Variants in ADAM19 observed in about 807,000 individuals in gnomAD.
ADAM19 encodes the protein ADAM metallopeptidase domain 19.
In ADAM19, 65 loss-of-function variants were observed where a neutral mutation model predicts 114.7. The observed-to-expected ratio is 0.57, with a 90% CI of 0.46 to 0.70. ADAM19 has a LOEUF of 0.70. Ranked by LOEUF, ADAM19 falls within the 30% of genes least tolerant of loss-of-function variation. ADAM19 has a pLI of 0.00. For synonymous variants in ADAM19, 466 were observed against 460.5 expected, an observed-to-expected ratio of 1.01 and a Z score of -0.15; for missense variants, 1,063 against 1,204.7, an observed-to-expected ratio of 0.88 and a Z score of 1.74.
chr5:157,507,174 C>T (rs369197205), intron 9 of ADAM19, 34 bp from the exon 10 acceptor site: 87 of 1,603,048 alleles, frequency 5.4e-5, no homozygotes, highest in East Asian at 1.8e-4. Context: ...TGACCGGGGA[C>T]GAGACTAAGA....
At position 157,511,353 on chromosome 5, in the gene ADAM19, C is replaced by T. The variant is rs150086150; in HGVS notation, c.739-1886G>A. 3.6e-3 allele frequency among the ~76,000 whole-genome samples: 552 copies of T among 152,324 alleles called. 4 individuals are homozygous for T. Among genetic ancestry groups the T allele is most frequent in the African/African-American group, 0.012 (517 of 41,566 alleles). On this transcript the variant is annotated intron_variant, in intron 8 of 22. Coordinates refer to ENST00000257527, the MANE Select transcript of ADAM19 (RefSeq NM_033274.5). ...ACTGAGGCTTAGAGAAGTTAAGGAA[C>T]TTGCCCAAAGTCTCAGCAAGAAGAT...
In ADAM19 at chr5:157,488,533, A is replaced by C. The variant is rs962584878; in HGVS notation, c.2326-44T>G. On this transcript the variant is annotated intron_variant, in intron 20 of 22. Coordinates refer to ENST00000257527, the MANE Select transcript of ADAM19 (RefSeq NM_033274.5). Reference sequence around the variant, plus strand: ...GAACACCTGAGACAAGAAATCACTCAGGGCTGGCCTTGTGTGTCTCTTTGA... The same window carrying C: ...GAACACCTGAGACAAGAAATCACTCCGGGCTGGCCTTGTGTGTCTCTTTGA... 8 of 1,470,530 alleles carry C rather than the reference A, an allele frequency of 5.4e-6. No individual in the cohort carries two copies. The African/African-American group carries it at 8.4e-5, about 15-fold the overall frequency. The allele number at this position is 1,470,530 out of a possible 1,614,324, so 91.1% of individuals were successfully genotyped here.
chr5:157,543,723 T>C (rs1288626685), intron 3 of ADAM19, among the ~76,000 whole-genome samples: 1 of 109,964 alleles, frequency 9.1e-6, no homozygotes, highest in Non-Finnish European at 2.0e-5. Flanking sequence ...GACAATATTT[T>C]TTAACTGGCT....
rs1015703251 is a variant in ADAM19 at position 157,526,177 on chromosome 5, C to T, written c.407+4630G>A. On this transcript the variant is annotated intron_variant, in intron 5 of 22. Coordinates refer to ENST00000257527, the MANE Select transcript of ADAM19 (RefSeq NM_033274.5). ...ATATATACATATATATATATATACA[C>T]ACACACACACACACACACACACACA... Among the ~76,000 whole-genome samples the T allele has an allele frequency of 7.8e-4, 115 of 147,002 alleles. 1 individual carries two copies. The highest frequency in any genetic ancestry group is 3.0e-3 in the African/African-American group (111 of 37,624).
chr5:157,523,361 C>T (rs547666481), intron 5 of ADAM19, among the ~76,000 whole-genome samples: 9 of 152,296 alleles, frequency 5.9e-5, no homozygotes, highest in South Asian at 2.1e-4. Context: ...CCAAGTCTCA[C>T]GGTAGAATGT....
chr5:157,561,584 G>A (rs564097626), intron 3 of ADAM19, among the ~76,000 whole-genome samples: 12 of 152,188 alleles, frequency 7.9e-5, no homozygotes, highest in African/African-American at 1.7e-4. Context: ...GCCTTGGAAC[G>A]TGGCTGTTCC....
Position 157,537,996 on chromosome 5 carries a change from A to C in ADAM19, c.252-5T>G. The C allele has an allele frequency of 6.2e-7, 1 of 1,611,842 alleles. No individual in the cohort carries two copies. On this transcript the variant is annotated splice_region_variant and splice_polypyrimidine_tract_variant and intron_variant, in intron 3 of 22. Coordinates refer to ENST00000257527, the MANE Select transcript of ADAM19 (RefSeq NM_033274.5). ...TAGGAAGGAGCAAAAAGTTGCCTGC[A>C]AAAAATAAAAAGAGACATTTATATC...
chr5:157,528,734 T>C (rs553234899), intron 5 of ADAM19, among the ~76,000 whole-genome samples: 76 of 152,316 alleles, frequency 5.0e-4, no homozygotes, highest in African/African-American at 1.7e-3. Flanking sequence ...AGTCTTAGCA[T>C]GGTTTCACCG....
intron 3 of ADAM19, among the ~76,000 whole-genome samples, chr5:157,549,964 A>T (rs1347508137): frequency 6.6e-6 from 1 of 152,220 alleles, no homozygotes; most frequent in Non-Finnish European, 1.5e-5. Context: ...AACCTCAAAA[A>T]CTTTACCCGA....
chr5:157,565,004 T>A (rs981369805), intron 2 of ADAM19, among the ~76,000 whole-genome samples: 2 of 152,152 alleles, frequency 1.3e-5, no homozygotes, highest in Non-Finnish European at 1.5e-5. Context: ...TCGTAGTGGG[T>A]TCTTATTTCA....
intron 3 of ADAM19, among the ~76,000 whole-genome samples, chr5:157,552,359 G>A (rs1757223226): frequency 6.6e-6 from 1 of 151,420 alleles, no homozygotes; most frequent in Admixed American, 6.6e-5. Flanking sequence ...CCAAAAGAAA[G>A]GAAATCAGTG....
chr5:157,487,249 T>G (rs1484225325), intron 21 of ADAM19, among the ~76,000 whole-genome samples: 1 of 152,164 alleles, frequency 6.6e-6, no homozygotes, highest in Non-Finnish European at 1.5e-5. Context: ...TTTCCTCTCT[T>G]TCTGCATGGA....
At chr5:157,502,441 C>A (rs1210506257) in intron 12 of ADAM19, among the ~76,000 whole-genome samples, 2 of 152,204 alleles carry the variant, frequency 1.3e-5, no homozygotes, top group Non-Finnish European at 2.9e-5. Context: ...CTGTTCAAGC[C>A]CATATATCTG....
At chr5:157,482,950 A>G (rs1045309235) in intron 21 of ADAM19, among the ~76,000 whole-genome samples, 1 of 152,194 alleles carries the variant, frequency 6.6e-6, no homozygotes, top group Non-Finnish European at 1.5e-5. Context: ...GCAAAATAAC[A>G]CAAGAACAGA....
chr5:157,549,709 C>G (rs1218096021), intron 3 of ADAM19, among the ~76,000 whole-genome samples: 1 of 152,204 alleles, frequency 6.6e-6, no homozygotes, highest in East Asian at 1.9e-4. Flanking sequence ...CCCACAGAGT[C>G]TAAACTGCCA....
rs1348939764 is a variant in ADAM19, at chr5:157,555,541, A to G, written c.251+8832T>C. On this transcript the variant is annotated intron_variant, in intron 3 of 22. Transcript: ENST00000257527. ...CCACATGTCACAGCTTGCATCCCCA[A>G]AACACCTGAAAACATTTGTTCTGGA... is the stretch of plus-strand genomic sequence containing the variant. Among the ~76,000 whole-genome samples, 3 of 152,164 alleles carry G rather than the reference A, an allele frequency of 2.0e-5. No homozygotes were observed. The East Asian group carries it at 5.8e-4, about 29-fold the overall frequency.
intron 4 of ADAM19, among the ~76,000 whole-genome samples, chr5:157,535,698 G>A (rs946225340): frequency 2.1e-4 from 32 of 152,234 alleles, no homozygotes; most frequent in Non-Finnish European, 3.7e-4. Context: ...CAAGCAGAGA[G>A]CACAAAGAAC....
intron 3 of ADAM19, 21 bp from the exon 4 acceptor site, chr5:157,538,012 C>T (rs1351818755): frequency 6.3e-7 from 1 of 1,592,592 alleles, no homozygotes; most frequent in Non-Finnish European, 8.6e-7. Flanking sequence ...TAAAAAGAGA[C>T]ATTTATATCA....
At chr5:157,504,116 A>G (rs1432555880) in intron 11 of ADAM19, among the ~76,000 whole-genome samples, 2 of 152,254 alleles carry the variant, frequency 1.3e-5, no homozygotes, top group Non-Finnish European at 2.9e-5. Flanking sequence ...AGAGAGTAGT[A>G]ATCAATATAA....
Sources: allele counts gnomAD v4.1 joint callset (sites outside exome capture counted in the v4.1 genomes callset), GRCh38; gene constraint gnomAD v4.1.1; transcripts MANE v1.5; gene names NCBI Gene and HGNC (gene_info 2026-07-23, HGNC 2026-07-21).